Variants in LMAN1 observed in about 807,000 individuals in gnomAD.
LMAN1 encodes the protein protein ERGIC-53.
Under a neutral mutation model 67.8 loss-of-function variants are expected in LMAN1, and 32 were observed. That is an observed-to-expected ratio of 0.47 (90% CI 0.36 to 0.63). The LOEUF is 0.63. Among genes scored for constraint, LMAN1 ranks in the 30% least tolerant of loss-of-function variants. The pLI is 0.00. For synonymous variants in LMAN1, 235 were observed against 219.3 expected, an observed-to-expected ratio of 1.07 and a Z score of -0.63; for missense variants, 632 against 628.2, an observed-to-expected ratio of 1.01 and a Z score of -0.06.
Position 59,353,313 on chromosome 18 carries a change from G to A in LMAN1, c.540-12C>T, listed in dbSNP as rs758239530. 6.3e-6 allele frequency: 10 copies of A among 1,597,266 alleles called. No homozygotes were observed. Among genetic ancestry groups the A allele is most frequent in the Non-Finnish European group, 7.7e-6 (9 of 1,164,706 alleles). ...GACTAGCCCCGTCACTATAGTGTAA[G>A]GGGGAGGAAAACAGACAAGACACTC... On this transcript the variant is annotated splice_polypyrimidine_tract_variant and intron_variant, in intron 4 of 12. Transcript: ENST00000251047.
chr18:59,348,989 G>T, intron 6 of LMAN1, 124 bp downstream of exon 6: 1 of 1,118,016 alleles, frequency 8.9e-7, no homozygotes, highest in Non-Finnish European at 1.4e-6. Context: ...CACAAGAGGT[G>T]ATGGGAAAGT....
intron 5 of LMAN1, among the ~76,000 whole-genome samples, chr18:59,349,694 T>C (rs1603395647): frequency 6.6e-6 from 1 of 152,194 alleles, no homozygotes; most frequent in East Asian, 1.9e-4. Flanking sequence ...GTGAGGTATC[T>C]GGACTGTCAC....
rs763770480 is a variant in LMAN1, at chr18:59,345,920, A to G, written c.954T>C (p.Pro318=). 4 of 1,613,914 alleles carry G rather than the reference A, an allele frequency of 2.5e-6. No individual in the cohort carries two copies. The South Asian group carries it at 3.3e-5, about 13-fold the overall frequency. Residue 318 remains proline, a splice_region_variant and synonymous_variant, in exon 8 of 13, where the codon CCT becomes CCC. Coordinates refer to ENST00000251047, the MANE Select transcript of LMAN1 (RefSeq NM_005570.4). The part of the protein sequence containing the change: ...QKGHPDLQGQ[P]AEEIFESVGD... ...CATGTCAGCTTTGCTACAACTCACC[A>G]GGCTGCCCTTGGAGGTCGGGGTGGC...
At chr18:59,334,839 T>C (rs948805346) in intron 10 of LMAN1, among the ~76,000 whole-genome samples, 2 of 151,764 alleles carry the variant, frequency 1.3e-5, no homozygotes, top group African/African-American at 4.8e-5. Context: ...TCTATCTCTT[T>C]ACATTTTTTT....
At chr18:59,336,194 C>T (rs935028714) in intron 10 of LMAN1, among the ~76,000 whole-genome samples, 8 of 152,222 alleles carry the variant, frequency 5.3e-5, no homozygotes, top group East Asian at 1.9e-4. Flanking sequence ...CTAGAGGTAA[C>T]GGCACCGCGG....
chr18:59,345,311 T>C (rs1908374898), intron 8 of LMAN1, among the ~76,000 whole-genome samples: 1 of 152,208 alleles, frequency 6.6e-6, no homozygotes, highest in East Asian at 1.9e-4. Flanking sequence ...AATTTGGCCT[T>C]AAAATGTTTT....
chr18:59,338,852 C>T lies in LMAN1; in HGVS notation c.1057G>A (p.Asp353Asn), dbSNP rs1156320672. 14 of 1,613,836 alleles carry T rather than the reference C, an allele frequency of 8.7e-6. No individual in the cohort carries two copies. Among genetic ancestry groups the T allele is most frequent in the African/African-American group, 2.7e-5 (2 of 74,904 alleles). The change falls in exon 9 of 13, where the codon GAT becomes AAT. Residue 353 changes from aspartate to asparagine, a missense_variant. Asp to Asn is a conservative substitution (Grantham distance 23). Transcript: ENST00000251047. ...CTTCTCTGTTCATCAAGAATCATAT[C>T]TAACTGCCGGTTCAGCTGCTTGATT... ...LEIKQLNRQL[D>N]MILDEQRRYV...
chr18:59,341,353 T>C (rs547232170), intron 8 of LMAN1, among the ~76,000 whole-genome samples: 1 of 152,204 alleles, frequency 6.6e-6, no homozygotes, highest in East Asian at 1.9e-4. Context: ...TTAGACCAAA[T>C]GGACTTAGAC....
In LMAN1 at chr18:59,359,208, C is replaced by A; in HGVS notation, c.37G>T (p.Val13Phe). 3 of 1,613,990 alleles carry A rather than the reference C, an allele frequency of 1.9e-6. No individual in the cohort carries two copies. Among genetic ancestry groups the A allele is most frequent in the Middle Eastern group, 1.6e-4 (1 of 6,062 alleles). ...GSRQRGLRAR[V>F]RPLFCALLLS... ...AGCAAGGCGCAGAACAGCGGCCGAA[C>A]TCTGGCCCGGAGACCCCTTTGCCTG... The change falls in exon 1 of 13, where the codon GTT becomes TTT. Residue 13 changes from valine to phenylalanine, a missense_variant. Physicochemically the swap from Val to Phe is conservative, Grantham distance 50 (BLOSUM62 -1). Transcript: ENST00000251047.
intron 10 of LMAN1, among the ~76,000 whole-genome samples, chr18:59,336,175 G>A (rs1485234611): frequency 3.3e-5 from 5 of 152,304 alleles, no homozygotes; most frequent in South Asian, 2.1e-4. Flanking sequence ...GCTCTGTCCA[G>A]TAAGAGGCCT....
intron 8 of LMAN1, among the ~76,000 whole-genome samples, chr18:59,341,382 A>G (rs1433478085): frequency 6.6e-6 from 1 of 152,188 alleles, no homozygotes; most frequent in Non-Finnish European, 1.5e-5. Context: ...AACTTTCTAC[A>G]ATAACTATGG....
chr18:59,355,733 A>T, intron 1 of LMAN1, 75 bp from the exon 2 acceptor site: 1 of 1,480,796 alleles, frequency 6.8e-7, no homozygotes, highest in Non-Finnish European at 9.3e-7. Flanking sequence ...CAAACTGCTA[A>T]ATATACCTAC....
In LMAN1 at chr18:59,353,262, G is replaced by A; in HGVS notation, c.579C>T (p.Asp193=). 2 of 1,614,132 alleles carry A rather than the reference G, an allele frequency of 1.2e-6. No homozygotes were observed. Among genetic ancestry groups the A allele is most frequent in the Non-Finnish European group, 1.7e-6 (2 of 1,180,008 alleles). Residue 193 remains aspartate, a synonymous_variant, in exon 5 of 13, where the codon GAC becomes GAT. Transcript: ENST00000251047. ...ASQALASCQR[D]FRNKPYPVRA... ...GGACAGGATAGGGTTTGTTGCGGAAGTCCCTCTGGCAACTTGCCAAAGCTT... is the reference window on the plus strand; with the variant it reads ...GGACAGGATAGGGTTTGTTGCGGAAATCCCTCTGGCAACTTGCCAAAGCTT...
chr18:59,334,645 A>C (rs1488783930), intron 10 of LMAN1, among the ~76,000 whole-genome samples: 1 of 152,198 alleles, frequency 6.6e-6, no homozygotes, highest in African/African-American at 2.4e-5. Flanking sequence ...CCAGGAGTGA[A>C]TGGTGTATCA....
chr18:59,331,636 C>T, intron 11 of LMAN1, 97 bp from the exon 12 acceptor site: 1 of 1,358,484 alleles, frequency 7.4e-7, no homozygotes, highest in Admixed American at 1.8e-5. Flanking sequence ...GCTATATAAA[C>T]AAGTATTTTC....
At chr18:59,351,534 A>G (rs932497170) in intron 5 of LMAN1, 3 of 152,222 alleles carry the variant, frequency 2.0e-5, no homozygotes, top group African/African-American at 7.2e-5. Flanking sequence ...AGGTGAAAAA[A>G]AATTCCATAG....
intron 8 of LMAN1, among the ~76,000 whole-genome samples, chr18:59,343,630 C>T (rs956387778): frequency 6.6e-6 from 1 of 152,042 alleles, no homozygotes; most frequent in Non-Finnish European, 1.5e-5. Context: ...CCATACTTCT[C>T]ACCATATGCA....
intron 10 of LMAN1, 39 bp from the exon 11 acceptor site, chr18:59,333,283 A>G: frequency 6.3e-7 from 1 of 1,583,038 alleles, no homozygotes; most frequent in Non-Finnish European, 8.6e-7. Context: ...AAATCACTAT[A>G]AAGTTTTTTT....
chr18:59,353,032 G>C, intron 5 of LMAN1, 170 bp downstream of exon 5: 1 of 635,836 alleles, frequency 1.6e-6, no homozygotes, highest in South Asian at 1.6e-5. Flanking sequence ...GTTTACAACA[G>C]ATGACCACTT....
Sources: allele counts gnomAD v4.1 joint callset (sites outside exome capture counted in the v4.1 genomes callset), GRCh38; gene constraint gnomAD v4.1.1; transcripts MANE v1.5; gene names NCBI Gene and HGNC (gene_info 2026-07-23, HGNC 2026-07-21).